Variants in TBC1D4 observed in about 807,000 individuals in gnomAD.
TBC1D4 encodes the protein TBC1 domain family member 4.
Under a neutral mutation model 142.5 loss-of-function variants are expected in TBC1D4, and 121 were observed. That is an observed-to-expected ratio of 0.85 (90% CI 0.73 to 0.99). TBC1D4 has a LOEUF of 0.99. TBC1D4 is among the 50% of genes least tolerant of loss of function. The pLI, the probability that TBC1D4 is intolerant of heterozygous loss-of-function variation, is 0.00. For synonymous variants in TBC1D4, 630 were observed against 628.2 expected, an observed-to-expected ratio of 1.00 and a Z score of -0.04; for missense variants, 1,475 against 1,606.6, an observed-to-expected ratio of 0.92 and a Z score of 1.40.
chr13:75,360,437 C>CA (rs1269858959), intron 2 of TBC1D4, among the ~76,000 whole-genome samples: 1 of 151,726 alleles, frequency 6.6e-6, no homozygotes, highest in East Asian at 1.9e-4. Flanking sequence ...CCACCACCAA[C>CA]AAAAAAGAAA....
At chr13:75,316,364 G>T (rs1878318287) in intron 12 of TBC1D4, 2 of 152,044 alleles carry the variant, frequency 1.3e-5, no homozygotes, top group Non-Finnish European at 2.9e-5. Flanking sequence ...AATATAAACT[G>T]CCCAATGACA....
intron 1 of TBC1D4, among the ~76,000 whole-genome samples, chr13:75,436,888 T>A (rs1398740765): frequency 8.5e-5 from 13 of 152,178 alleles, no homozygotes; most frequent in Admixed American, 8.5e-4. Flanking sequence ...ATGGGACATA[T>A]TGACATCTCA....
intron 15 of TBC1D4, chr13:75,302,661 A>G: frequency 1.9e-6 from 1 of 525,600 alleles, no homozygotes; most frequent in South Asian, 2.1e-5. Flanking sequence ...CTGACTGAGC[A>G]TTAATAAAAC....
At chr13:75,432,101 A>G in intron 1 of TBC1D4, among the ~76,000 whole-genome samples, 1 of 152,214 alleles carries the variant, frequency 6.6e-6, no homozygotes, top group East Asian at 1.9e-4. Context: ...AAGCAAATAA[A>G]GAGCACTCAT....
At chr13:75,393,933 A>AAAC (rs1884632055) in intron 1 of TBC1D4, among the ~76,000 whole-genome samples, 2 of 151,850 alleles carry the variant, frequency 1.3e-5, no homozygotes, top group Admixed American at 6.6e-5. Context: ...GTCTCAAAAA[A>AAAC]AAAAAAACAA....
chr13:75,427,461 G>A (rs1886425164), intron 1 of TBC1D4, among the ~76,000 whole-genome samples: 1 of 152,128 alleles, frequency 6.6e-6, no homozygotes, highest in Non-Finnish European at 1.5e-5. Context: ...GATCACTTGA[G>A]TCCAGCCTAG....
chr13:75,481,723 G>A lies in TBC1D4; in HGVS notation c.45C>T (p.Pro15=). 3.8e-6 allele frequency: 6 copies of A among 1,596,840 alleles called. No individual in the cohort carries two copies. Among genetic ancestry groups the A allele is most frequent in the Non-Finnish European group, 5.1e-6 (6 of 1,173,884 alleles). ...CTGAGACGCCCGGCTCGGGCTCCAGGGGGTGCGGGAACGGCTCATCCTGAA... is the reference window on the plus strand; with the variant it reads ...CTGAGACGCCCGGCTCGGGCTCCAGAGGGTGCGGGAACGGCTCATCCTGAA... ...SCIQDEPFPH[P]LEPEPGVSAQ... Residue 15 remains proline, a synonymous_variant, in exon 1 of 21, where the codon CCC becomes CCT. Transcript: ENST00000377636.
At chr13:75,445,568 T>C (rs570404229) in intron 1 of TBC1D4, among the ~76,000 whole-genome samples, 1 of 152,330 alleles carries the variant, frequency 6.6e-6, no homozygotes, top group African/African-American at 2.4e-5. Flanking sequence ...CATGGAGCAC[T>C]AAAATCAACA....
rs78882723 is a variant in TBC1D4 at position 75,289,104 on chromosome 13, C to G, written c.3493G>C (p.Glu1165Gln). 1 of 1,613,534 alleles carries G rather than the reference C, an allele frequency of 6.2e-7. No homozygotes were observed. The highest frequency in any genetic ancestry group is 1.1e-5 in the South Asian group (1 of 91,070). Reference protein sequence around the residue: ...EMEKIITQVFEMDISKQLHAY... With the variant: ...EMEKIITQVFQMDISKQLHAY... Reference sequence around the variant, plus strand: ...TGCAACTGCTTAGAAATATCCATCTCAAAAACCTGCCATGAAAGTATCATG... The same window carrying G: ...TGCAACTGCTTAGAAATATCCATCTGAAAAACCTGCCATGAAAGTATCATG... The change falls in exon 20 of 21, where the codon GAG (glutamate) becomes CAG (glutamine). Residue 1165 changes from glutamate to glutamine, a missense_variant. This residue lies in a region of TBC1D4 where 248 missense variants were observed against 338.9 expected (regional missense o/e 0.73). Transcript: ENST00000377636.
intron 1 of TBC1D4, among the ~76,000 whole-genome samples, chr13:75,477,149 G>A (rs138024308): frequency 0.011 from 1,742 of 152,298 alleles, 97 homozygotes; most frequent in Admixed American, 0.093. Flanking sequence ...TCTGTCCACA[G>A]AACAAACTTC....
In TBC1D4 at chr13:75,349,298, T is replaced by C; in HGVS notation, c.1280A>G (p.Asp427Gly). The change falls in exon 5 of 21, where the codon GAT becomes GGT. Residue 427 changes from aspartate to glycine, a missense_variant. Coordinates refer to ENST00000377636, the MANE Select transcript of TBC1D4 (RefSeq NM_014832.5). ...CTGTTTCAGAGTCAGCATTACCTCA[T>C]CAACCTACAGGAAGAAACAAAACTC... ...VFQCASESLVDEVMLTLKQAF... is the reference protein window; with the variant it reads ...VFQCASESLVGEVMLTLKQAF... 1 of 1,613,842 alleles carries C rather than the reference T, an allele frequency of 6.2e-7. No homozygotes were observed. The highest frequency in any genetic ancestry group is 8.5e-7 in the Non-Finnish European group (1 of 1,179,880).
intron 19 of TBC1D4, among the ~76,000 whole-genome samples, chr13:75,291,832 C>T (rs1415030045): frequency 6.6e-6 from 1 of 152,180 alleles, no homozygotes; most frequent in Non-Finnish European, 1.5e-5. Flanking sequence ...CTCAGGCCTT[C>T]TTGACTCTGT....
At chr13:75,409,729 A>G (rs967455515) in intron 1 of TBC1D4, among the ~76,000 whole-genome samples, 2 of 152,344 alleles carry the variant, frequency 1.3e-5, no homozygotes, top group Admixed American at 6.5e-5. Flanking sequence ...AAAGGCTTTC[A>G]AGGAGGCAAT....
At position 75,283,507 on chromosome 13, in the gene TBC1D4, T is replaced by A. The variant is rs1874458492; in HGVS notation, c.*3285A>T. Among the ~76,000 whole-genome samples the A allele has an allele frequency of 6.6e-6, 1 of 152,214 alleles. No individual in the cohort carries two copies. The highest frequency in any genetic ancestry group is 2.4e-5 in the African/African-American group (1 of 41,472). On this transcript the variant is annotated 3_prime_UTR_variant, in exon 21 of 21. Transcript: ENST00000377636. ...AAAGTTAGCAAGAAGATACAGTGTATTTTTATTGGATTACAAATATACATG... is the reference window on the plus strand; with the variant it reads ...AAAGTTAGCAAGAAGATACAGTGTAATTTTATTGGATTACAAATATACATG...
intron 1 of TBC1D4, among the ~76,000 whole-genome samples, chr13:75,422,865 T>C (rs1886227470): frequency 6.6e-6 from 1 of 152,180 alleles, no homozygotes. Flanking sequence ...TCAGCTACTC[T>C]CGGTTTTTAA....
At chr13:75,294,567 A>G (rs2137850001) in intron 18 of TBC1D4, among the ~76,000 whole-genome samples, 1 of 152,318 alleles carries the variant, frequency 6.6e-6, no homozygotes, top group African/African-American at 2.4e-5. Context: ...AGATTTTAGG[A>G]GTATACTCTC....
chr13:75,473,799 C>T (rs1337109580), intron 1 of TBC1D4, among the ~76,000 whole-genome samples: 1 of 152,144 alleles, frequency 6.6e-6, no homozygotes, highest in African/African-American at 2.4e-5. Context: ...AGTTTTAATC[C>T]TATATTTTGT....
chr13:75,319,147 G>A (rs1245640477), intron 12 of TBC1D4, among the ~76,000 whole-genome samples: 6 of 152,284 alleles, frequency 3.9e-5, no homozygotes, highest in Admixed American at 1.3e-4. Context: ...CCAATTACCA[G>A]TCTCAAAAAA....
intron 1 of TBC1D4, among the ~76,000 whole-genome samples, chr13:75,450,628 T>G (rs1887496126): frequency 6.6e-6 from 1 of 152,200 alleles, no homozygotes; most frequent in South Asian, 2.1e-4. Context: ...GCCAGCCAGG[T>G]AAGCCCACCA....
Sources: allele counts gnomAD v4.1 joint callset (sites outside exome capture counted in the v4.1 genomes callset), GRCh38; gene constraint gnomAD v4.1.1; regional missense constraint gnomAD v4.1.1; transcripts MANE v1.5; gene names NCBI Gene and HGNC (gene_info 2026-07-23, HGNC 2026-07-21).